TBC1D20: variants seen among roughly 807,000 people sequenced by gnomAD.
The protein encoded by TBC1D20 is chromosome 20 open reading frame 140.
Under a neutral mutation model 41.6 loss-of-function variants are expected in TBC1D20, and 12 were observed. The observed-to-expected ratio is 0.29, with a 90% CI of 0.18 to 0.47. The LOEUF is 0.47. Among genes scored for constraint, TBC1D20 ranks in the 20% least tolerant of loss-of-function variants. The pLI is 1.00. For synonymous variants in TBC1D20, 205 were observed against 204.8 expected, an observed-to-expected ratio of 1.00 and a Z score of -0.01; for missense variants, 421 against 517.4, an observed-to-expected ratio of 0.81 and a Z score of 1.81.
At chr20:450,282 G>A (rs914215034) in intron 1 of TBC1D20, among the ~76,000 whole-genome samples, 1 of 151,524 alleles carries the variant, frequency 6.6e-6, no homozygotes, top group Non-Finnish European at 1.5e-5. Flanking sequence ...CTGAGTAGCT[G>A]GGATTACAGG....
At chr20:461,852 A>G (rs1445359009) in intron 1 of TBC1D20, among the ~76,000 whole-genome samples, 1 of 152,276 alleles carries the variant, frequency 6.6e-6, no homozygotes, top group African/African-American at 2.4e-5. Flanking sequence ...TGAACTGTGC[A>G]CCTTAAAGGA....
At chr20:443,475 C>G (rs1227528508) in intron 3 of TBC1D20, among the ~76,000 whole-genome samples, 1 of 152,170 alleles carries the variant, frequency 6.6e-6, no homozygotes, top group African/African-American at 2.4e-5. Flanking sequence ...AACACATACT[C>G]AGAGAGAGAA....
chr20:458,438 C>CA lies in TBC1D20; in HGVS notation c.70+3897dup, dbSNP rs374535036. 3.5e-3 allele frequency among the ~76,000 whole-genome samples: 526 copies of CA among 151,984 alleles called. 3 individuals are homozygous for CA. The highest frequency in any genetic ancestry group is 0.012 in the African/African-American group (482 of 41,418). On this transcript the variant is annotated intron_variant, in intron 1 of 7. Transcript: ENST00000354200. The stretch of plus-strand genomic sequence containing the variant: ...AAGTGATCCTCCTGCCTTAGCCTCC[C>CA]AGGTAGCTGGGACCACAGACAAGCT...
At chr20:462,154 G>T (rs1244651139) in intron 1 of TBC1D20, among the ~76,000 whole-genome samples, 182 bp downstream of exon 1, 3 of 151,346 alleles carry the variant, frequency 2.0e-5, no homozygotes, top group Non-Finnish European at 4.4e-5. Context: ...AGCCCCCCCA[G>T]TTCCAGGCCC....
In TBC1D20 at chr20:462,414, G is replaced by C. The variant is rs1443259759; in HGVS notation, c.-9C>G. On this transcript the variant is annotated 5_prime_UTR_variant, in exon 1 of 8. Transcript: ENST00000354200. The stretch of plus-strand genomic sequence containing the variant: ...GCACTCCGGAGGGCCATGCCCCGGG[G>C]CCCCGGGCCCCCACCCGAGCCCCGG... 1.6e-6 allele frequency: 2 copies of C among 1,220,084 alleles called. No homozygotes were observed. The highest frequency in any genetic ancestry group is 2.7e-5 in the South Asian group (1 of 36,818). 75.6% of individuals were successfully genotyped at this position (1,220,084 alleles called of 1,614,324 possible). A position where few individuals can be genotyped will look rare whatever the true frequency, so the allele number is the denominator to read the frequency against.
Position 445,064 on chromosome 20 carries a change from C to CG in TBC1D20, c.322dup (p.Arg108ProfsTer21). On this transcript the variant is annotated frameshift_variant, in exon 3 of 8. Coordinates refer to ENST00000354200, the MANE Select transcript of TBC1D20 (RefSeq NM_144628.4). LOFTEE classifies it high-confidence loss of function. ...GAGCTTCTCACCAGGAGGGAACCGC[C>CG]GCAATGACCGCCGGACGTCCAGCAA... The CG allele has an allele frequency of 6.2e-7, 1 of 1,604,720 alleles. No individual in the cohort carries two copies. The highest frequency in any genetic ancestry group is 8.5e-7 in the Non-Finnish European group (1 of 1,174,622).
chr20:448,867 G>A (rs1284741900), intron 1 of TBC1D20, among the ~76,000 whole-genome samples: 2 of 134,444 alleles, frequency 1.5e-5, no homozygotes, highest in African/African-American at 5.8e-5. Flanking sequence ...TTTTTGAGAC[G>A]GAGTCTCGGT....
At chr20:453,278 GC>G (rs1245500745) in intron 1 of TBC1D20, among the ~76,000 whole-genome samples, 3 of 147,170 alleles carry the variant, frequency 2.0e-5, no homozygotes, top group Non-Finnish European at 4.5e-5. Flanking sequence ...TTCGAGACCA[GC>G]CTGACCAACA....
At chr20:450,174 G>A (rs1281693033) in intron 1 of TBC1D20, among the ~76,000 whole-genome samples, 2 of 149,124 alleles carry the variant, frequency 1.3e-5, no homozygotes, top group African/African-American at 4.9e-5. Context: ...TTTTTGAGAT[G>A]GAGTCTCACT....
chr20:448,175 C>T, intron 1 of TBC1D20, 101 bp from the exon 2 acceptor site: 1 of 735,254 alleles, frequency 1.4e-6, no homozygotes, highest in East Asian at 2.6e-5. Context: ...AGGTAAGTAT[C>T]TCCTCTTAGC....
rs779937515 is a variant in TBC1D20, at chr20:438,316, T to A, written c.*270A>T. On this transcript the variant is annotated 3_prime_UTR_variant, in exon 8 of 8. Coordinates refer to ENST00000354200, the MANE Select transcript of TBC1D20 (RefSeq NM_144628.4). ...CTGCAAGCTTCAGAAACCCACTTCCTCCAACACCAGGGAGGTGGCAGAGAG... is the reference window on the plus strand; with the variant it reads ...CTGCAAGCTTCAGAAACCCACTTCCACCAACACCAGGGAGGTGGCAGAGAG... 1.5e-5 allele frequency: 7 copies of A among 471,062 alleles called. No individual in the cohort carries two copies. The highest frequency in any genetic ancestry group is 2.6e-5 in the Non-Finnish European group (7 of 264,538). 29.2% of individuals were successfully genotyped at this position (471,062 alleles called of 1,614,324 possible).
At chr20:448,431 C>G (rs1207648619) in intron 1 of TBC1D20, among the ~76,000 whole-genome samples, 1 of 152,100 alleles carries the variant, frequency 6.6e-6, no homozygotes, top group African/African-American at 2.4e-5. Context: ...TGGCTCATGC[C>G]TGTAATCCCA....
At position 437,685 on chromosome 20, in the gene TBC1D20, T is replaced by C. The variant is rs2017146058; in HGVS notation, c.*901A>G. ...TTGGAAGTGGAAAGCTGTTTGCAAA[T>C]AGCAACTCTGGCTAAAGCGAAAATG... On this transcript the variant is annotated 3_prime_UTR_variant, in exon 8 of 8. Transcript: ENST00000354200. 1 of 153,552 alleles carries C rather than the reference T, an allele frequency of 6.5e-6. No individual in the cohort carries two copies. Among genetic ancestry groups the C allele is most frequent in the African/African-American group, 2.4e-5 (1 of 41,408 alleles). The allele number at this position is 153,552 out of a possible 1,614,324, so 9.5% of individuals were successfully genotyped here. A position where few individuals can be genotyped will look rare whatever the true frequency, so the allele number is the denominator to read the frequency against.
At position 438,613 on chromosome 20, in the gene TBC1D20, A is replaced by G; in HGVS notation, c.1185T>C (p.Pro395=). The G allele has an allele frequency of 3.7e-6, 6 of 1,614,158 alleles. No individual in the cohort carries two copies. The highest frequency in any genetic ancestry group is 5.1e-6 in the Non-Finnish European group (6 of 1,179,980). The change falls in exon 8 of 8, where the codon CCT becomes CCC. Residue 395 remains proline (P), a synonymous_variant. Coordinates refer to ENST00000354200, the MANE Select transcript of TBC1D20 (RefSeq NM_144628.4). ...AGGGAAACAGCTGCAGCTGAAACTT[A>G]GGGGCCCATTCCAGGGCACTTTTCA... The part of the protein sequence containing the change: ...AVVKSALEWA[P]KFQLQLFP
At chr20:444,248 T>C (rs1389595885) in intron 3 of TBC1D20, among the ~76,000 whole-genome samples, 1 of 152,200 alleles carries the variant, frequency 6.6e-6, no homozygotes, top group Non-Finnish European at 1.5e-5. Flanking sequence ...GGCAGGCTAC[T>C]GCTACCTGGG....
At chr20:449,551 G>A (rs983402922) in intron 1 of TBC1D20, among the ~76,000 whole-genome samples, 4 of 151,432 alleles carry the variant, frequency 2.6e-5, no homozygotes, top group African/African-American at 7.3e-5. Flanking sequence ...AGCCAAGATC[G>A]TGCCACTGCA....
intron 1 of TBC1D20, among the ~76,000 whole-genome samples, chr20:461,922 G>A (rs1175412446): frequency 6.6e-6 from 1 of 152,252 alleles, no homozygotes; most frequent in African/African-American, 2.4e-5. Flanking sequence ...AGCCGGCGAC[G>A]GTGAATGCAG....
rs770883466 is a variant in TBC1D20 at position 441,671 on chromosome 20, T to C, written c.543A>G (p.Thr181=). Residue 181 remains threonine, a synonymous_variant, in exon 5 of 8, where the codon ACA becomes ACG. Coordinates refer to ENST00000354200, the MANE Select transcript of TBC1D20 (RefSeq NM_144628.4). ...THHLRDFMDP[T]MDNTKHILNY... is the part of the protein sequence containing the mutation. ...TTAATATATGCTTGGTGTTGTCCAT[T>C]GTTGGATCCATAAAATCCCTGGAGG... 5 of 1,614,026 alleles carry C rather than the reference T, an allele frequency of 3.1e-6. No individual in the cohort carries two copies. The highest frequency in any genetic ancestry group is 4.2e-6 in the Non-Finnish European group (5 of 1,180,032).
intron 1 of TBC1D20, among the ~76,000 whole-genome samples, chr20:456,725 T>C (rs1456571802): frequency 6.6e-6 from 1 of 151,400 alleles, no homozygotes; most frequent in Non-Finnish European, 1.5e-5. Flanking sequence ...CCACCACGCC[T>C]GGCTAATTTT....
Sources: gnomAD v4.1 joint callset for allele counts (sites outside exome capture counted in the v4.1 genomes callset) on GRCh38, gnomAD v4.1.1 for gene constraint, MANE v1.5 for transcripts, NCBI Gene and HGNC (gene_info 2026-07-23, HGNC 2026-07-21) for gene names.